The following FGF14 variants were observed in gnomAD, a reference collection of about 807,000 sequenced individuals.
The protein encoded by FGF14 is fibroblast growth factor homologous factor 4.
A neutral mutation model predicts 25.5 loss-of-function variants in FGF14; 5 were observed. The observed-to-expected ratio is 0.20, with a 90% CI of 0.10 to 0.41. The LOEUF is 0.41. FGF14 is among the 10% of genes least tolerant of loss of function. The pLI, the probability that FGF14 is intolerant of heterozygous loss-of-function variation, is 1.00. For synonymous variants in FGF14, 138 were observed against 118.3 expected, an observed-to-expected ratio of 1.17 and a Z score of -1.08; for missense variants, 222 against 320.1, an observed-to-expected ratio of 0.69 and a Z score of 2.34.
intron 1 of FGF14, among the ~76,000 whole-genome samples, chr13:102,259,173 T>C (rs1026010938): frequency 2.6e-5 from 4 of 152,116 alleles, no homozygotes; most frequent in Non-Finnish European, 4.4e-5. Flanking sequence ...CCAGATGAGA[T>C]ACAAAGCATG....
intron 1 of FGF14, among the ~76,000 whole-genome samples, chr13:102,302,802 C>T (rs2055141191): frequency 6.6e-6 from 1 of 152,174 alleles, no homozygotes; most frequent in Admixed American, 6.6e-5. Flanking sequence ...CAAAACCACC[C>T]TTGTCCACCC....
chr13:102,202,911 G>C (rs1256551120), intron 1 of FGF14, among the ~76,000 whole-genome samples: 1 of 152,144 alleles, frequency 6.6e-6, no homozygotes. Context: ...ATGGAGAATG[G>C]GCAAAGGAGC....
rs1227942116 is a variant in FGF14 at position 101,721,564 on chromosome 13, A to G, written c.*1267T>C. Reference sequence around the variant, plus strand: ...CTAGAGGCATGTACTGGTGAAATACACAGTACCGGACTCAGCATGCTGAGC... The same window carrying G: ...CTAGAGGCATGTACTGGTGAAATACGCAGTACCGGACTCAGCATGCTGAGC... On this transcript the variant is annotated 3_prime_UTR_variant, in exon 5 of 5. Transcript: ENST00000376143. 6.6e-6 allele frequency: 1 copy of G among 152,132 alleles called. No homozygotes were observed. Among genetic ancestry groups the G allele is most frequent in the Non-Finnish European group, 1.5e-5 (1 of 68,008 alleles). The allele number at this position is 152,132 out of a possible 1,614,324, so 9.4% of individuals were successfully genotyped here. A position where few individuals can be genotyped will look rare whatever the true frequency, so the allele number is the denominator to read the frequency against.
At chr13:102,376,147 G>A (rs4772466) in intron 1 of FGF14, among the ~76,000 whole-genome samples, 44,817 of 151,982 alleles carry the variant, frequency 0.29, 7,067 homozygotes, top group African/African-American at 0.4. Context: ...ATGTGTCAAG[G>A]GCAGAACCAG....
intron 3 of FGF14, among the ~76,000 whole-genome samples, chr13:101,826,641 A>T (rs2042405712): frequency 1.3e-5 from 2 of 152,118 alleles, no homozygotes; most frequent in South Asian, 4.1e-4. Flanking sequence ...AGTAAAATCT[A>T]TTAATTAGTA....
intron 1 of FGF14, among the ~76,000 whole-genome samples, chr13:101,911,748 C>CCTTA (rs2032959342): frequency 6.6e-6 from 1 of 152,072 alleles, no homozygotes; most frequent in South Asian, 2.1e-4. Flanking sequence ...TTTGATCTAA[C>CCTTA]CTTAATACAA....
At chr13:102,224,246 C>T (rs773525156) in intron 1 of FGF14, among the ~76,000 whole-genome samples, 19 of 152,146 alleles carry the variant, frequency 1.2e-4, no homozygotes, top group African/African-American at 4.1e-4. Context: ...AGCTCTCCCC[C>T]GTATTACATC....
At chr13:101,878,979 A>G (rs1161131382) in intron 1 of FGF14, among the ~76,000 whole-genome samples, 3 of 152,120 alleles carry the variant, frequency 2.0e-5, no homozygotes, top group African/African-American at 7.2e-5. Flanking sequence ...ATACTGATGT[A>G]TCCCAAAGTC....
intron 1 of FGF14, among the ~76,000 whole-genome samples, chr13:102,040,706 A>G (rs1595081301): frequency 6.6e-6 from 1 of 152,314 alleles, no homozygotes; most frequent in East Asian, 1.9e-4. Flanking sequence ...AATCTTGGTG[A>G]AAACACATAA....
At chr13:101,788,963 G>GAGAGAT (rs2040071547) in intron 3 of FGF14, among the ~76,000 whole-genome samples, 2 of 46,262 alleles carry the variant, frequency 4.3e-5, no homozygotes, top group Non-Finnish European at 1.1e-4. Context: ...GAGAGAGAGA[G>GAGAGAT]AGAGAGACAG....
At chr13:102,033,082 G>A (rs1213601628) in intron 1 of FGF14, among the ~76,000 whole-genome samples, 1 of 152,016 alleles carries the variant, frequency 6.6e-6, no homozygotes, top group Non-Finnish European at 1.5e-5. Flanking sequence ...GAAAATCCTT[G>A]AATACCCTAC....
rs1185686564 is a variant in FGF14, at chr13:102,202,946, A to ATCACCAAGTTT, written c.208+198524_208+198525insAAACTTGGTGA. 1.4e-4 allele frequency among the ~76,000 whole-genome samples: 22 copies of ATCACCAAGTTT among 152,330 alleles called. No homozygotes were observed. In the East Asian group the frequency reaches 3.9e-3, roughly 27 times the overall value. On this transcript the variant is annotated intron_variant, in intron 1 of 4. Coordinates refer to the FGF14 transcript ENST00000376131. ...CCCACAGGCCTCGATACTGGTGCTC[A>ATCACCAAGTTT]GGAGGCAGTGCTGTCCAAACCTTCA... is the stretch of plus-strand genomic sequence containing the variant.
intron 1 of FGF14, among the ~76,000 whole-genome samples, chr13:101,958,026 A>G (rs542336900): frequency 2.6e-5 from 4 of 152,258 alleles, no homozygotes; most frequent in Non-Finnish European, 4.4e-5. Flanking sequence ...AAAATGTACT[A>G]TAAATTACAG....
chr13:102,155,611 G>A (rs980357073), intron 1 of FGF14, among the ~76,000 whole-genome samples: 12 of 152,136 alleles, frequency 7.9e-5, no homozygotes, highest in African/African-American at 2.7e-4. Flanking sequence ...AACTAGAAAA[G>A]CAAGAGCAAA....
intron 1 of FGF14, among the ~76,000 whole-genome samples, chr13:102,015,396 T>C (rs1407951200): frequency 1.3e-5 from 2 of 152,152 alleles, no homozygotes; most frequent in East Asian, 1.9e-4. Flanking sequence ...TGTTTGATTG[T>C]CAAAAGATCC....
chr13:102,189,332 A>T (rs1376047674), intron 1 of FGF14, among the ~76,000 whole-genome samples: 3 of 152,236 alleles, frequency 2.0e-5, no homozygotes, highest in Admixed American at 6.5e-5. Flanking sequence ...TGATAAAATC[A>T]GAGGTGCACT....
intron 1 of FGF14, among the ~76,000 whole-genome samples, chr13:102,312,698 T>C (rs2055833296): frequency 6.6e-6 from 1 of 152,118 alleles, no homozygotes. Flanking sequence ...AATTAGAACT[T>C]ATAGGAGAAG....
chr13:102,060,623 G>GT (rs1488297441), intron 1 of FGF14, among the ~76,000 whole-genome samples: 2 of 152,196 alleles, frequency 1.3e-5, no homozygotes, highest in Admixed American at 6.5e-5. Context: ...ACTGGTAAAT[G>GT]TTTTTATCAC....
At chr13:102,028,744 A>T (rs1037393178) in intron 1 of FGF14, among the ~76,000 whole-genome samples, 4 of 152,078 alleles carry the variant, frequency 2.6e-5, no homozygotes, top group Non-Finnish European at 5.9e-5. Flanking sequence ...AAAGCTTTAA[A>T]TCACAGATGC....
Sources: allele counts gnomAD v4.1 joint callset (sites outside exome capture counted in the v4.1 genomes callset), GRCh38; gene constraint gnomAD v4.1.1; transcripts MANE v1.5; gene names NCBI Gene and HGNC (gene_info 2026-07-23, HGNC 2026-07-21).